The following SLC36A1 variants were observed in gnomAD, a reference collection of about 807,000 sequenced individuals.
SLC36A1 encodes the protein solute carrier family 36 member 1, also known as proton-coupled amino acid transporter 1.
In SLC36A1, 30 loss-of-function variants were observed where a neutral mutation model predicts 47.5. That is an observed-to-expected ratio of 0.63 (90% CI 0.47 to 0.86). SLC36A1 has a LOEUF of 0.86. SLC36A1 is among the 40% of genes least tolerant of loss of function. The probability of loss-of-function intolerance (pLI) is 0.00; values close to 1 mark genes in which losing one functional copy is unlikely to be tolerated. For synonymous variants in SLC36A1, 255 were observed against 249.7 expected (o/e 1.02, Z -0.20); for missense variants, 517 against 606.0 (o/e 0.85, Z 1.54).
At chr5:151,344,735 G>A in the SLC36A1 span, among the ~76,000 whole-genome samples, 209 of 152,106 alleles carry the variant, frequency 1.4e-3, no homozygotes, top group Admixed American at 2.7e-3. Flanking sequence ...CTCAGACAGC[G>A]TAAGTAAAGA....
At chr5:151,543,918 A>T in the SLC36A1 span, 1 of 1,614,178 alleles carries the variant, frequency 6.2e-7, no homozygotes, top group Non-Finnish European at 8.5e-7. Context: ...CAGGGTCAAT[A>T]GCCTGGACTT....
rs1026001532 is a variant in SLC36A1, at chr5:151,461,721, T to C, written c.144-1832T>C. Among the ~76,000 whole-genome samples, 8 of 152,260 alleles carry C rather than the reference T, an allele frequency of 5.3e-5. No homozygotes were observed. The East Asian group carries it at 1.3e-3, about 26-fold the overall frequency. On this transcript the variant is annotated intron_variant, in intron 2 of 10. Coordinates refer to ENST00000243389, the MANE Select transcript of SLC36A1 (RefSeq NM_078483.4). ...GGCACCAAATTATACTAGTTGTCGTTGTATTTTTCACTGCCACACATGCGC... is the reference window on the plus strand; with the variant it reads ...GGCACCAAATTATACTAGTTGTCGTCGTATTTTTCACTGCCACACATGCGC...
chr5:151,419,374 T>A, the SLC36A1 span, among the ~76,000 whole-genome samples: 1 of 152,246 alleles, frequency 6.6e-6, no homozygotes, highest in Non-Finnish European at 1.5e-5. Flanking sequence ...CTAGCAGCTC[T>A]GGCTGTGTCC....
the SLC36A1 span, among the ~76,000 whole-genome samples, chr5:151,364,464 T>C: frequency 2.6e-5 from 4 of 152,252 alleles, no homozygotes; most frequent in South Asian, 2.1e-4. Flanking sequence ...TTCCAGTTTC[T>C]CTACATCCTC....
chr5:151,414,454 G>C, the SLC36A1 span, among the ~76,000 whole-genome samples: 1 of 152,342 alleles, frequency 6.6e-6, no homozygotes, highest in African/African-American at 2.4e-5. Context: ...TTGTGAGCCA[G>C]ATTAAGGTAT....
At chr5:151,402,560 T>C in the SLC36A1 span, among the ~76,000 whole-genome samples, 1 of 152,142 alleles carries the variant, frequency 6.6e-6, no homozygotes, top group Non-Finnish European at 1.5e-5. Flanking sequence ...TTCAGTAGGA[T>C]TGGTACCAGC....
chr5:151,350,684 A>G, the SLC36A1 span, among the ~76,000 whole-genome samples: 4 of 152,124 alleles, frequency 2.6e-5, no homozygotes, highest in African/African-American at 9.7e-5. Context: ...ACATAATATC[A>G]GGATAAAGGA....
the SLC36A1 span, among the ~76,000 whole-genome samples, chr5:151,418,187 G>A: frequency 6.6e-6 from 1 of 152,356 alleles, no homozygotes; most frequent in African/African-American, 2.4e-5. Flanking sequence ...CAGAGGAGGG[G>A]CCCTCATGGA....
At chr5:151,441,258 C>A (rs916896166) in intron 1 of SLC36A1, among the ~76,000 whole-genome samples, 7 of 152,042 alleles carry the variant, frequency 4.6e-5, no homozygotes, top group African/African-American at 1.7e-4. Context: ...TATGATCACT[C>A]CAATATGGGC....
At chr5:151,529,638 T>C in the SLC36A1 span, among the ~76,000 whole-genome samples, 1 of 152,210 alleles carries the variant, frequency 6.6e-6, no homozygotes, top group African/African-American at 2.4e-5. Flanking sequence ...TAATATTTGA[T>C]TTAAATCTCA....
chr5:151,505,576 C>T, the SLC36A1 span: 1 of 1,614,128 alleles, frequency 6.2e-7, no homozygotes, highest in South Asian at 1.1e-5. Flanking sequence ...TAGAACATGA[C>T]CTCCTCACAG....
the SLC36A1 span, among the ~76,000 whole-genome samples, chr5:151,515,090 T>C: frequency 2.7e-4 from 41 of 152,222 alleles, no homozygotes; most frequent in African/African-American, 7.2e-4. Flanking sequence ...ACGGAAACCA[T>C]TGGTGTCAGG....
the SLC36A1 span, among the ~76,000 whole-genome samples, chr5:151,500,375 G>GTTGTTT: frequency 6.6e-6 from 1 of 152,014 alleles, no homozygotes; most frequent in Non-Finnish European, 1.5e-5. Context: ...TGTTGTTGTT[G>GTTGTTT]TTGTTGTTTT....
chr5:151,395,581 C>T, the SLC36A1 span, among the ~76,000 whole-genome samples: 1 of 152,174 alleles, frequency 6.6e-6, no homozygotes, highest in Non-Finnish European at 1.5e-5. Context: ...AACACCAGTC[C>T]TCATCCATGT....
the SLC36A1 span, among the ~76,000 whole-genome samples, chr5:151,365,840 A>T: frequency 6.6e-6 from 1 of 152,102 alleles, no homozygotes; most frequent in South Asian, 2.1e-4. Flanking sequence ...AACGTATGGG[A>T]TGCATTTTGT....
chr5:151,391,410 T>C, the SLC36A1 span, among the ~76,000 whole-genome samples: 6 of 152,278 alleles, frequency 3.9e-5, no homozygotes, highest in Middle Eastern at 3.4e-3. Flanking sequence ...TCCTGCCTGA[T>C]TGCCCTGGCC....
At chr5:151,507,123 C>T in the SLC36A1 span, 1 of 1,521,290 alleles carries the variant, frequency 6.6e-7, no homozygotes, top group Non-Finnish European at 8.8e-7. Context: ...TCCATCAATC[C>T]CAGAGGCTAA....
Position 151,458,931 on chromosome 5 carries a change from A to G in SLC36A1, c.139A>G (p.Thr47Ala). Residue 47 changes from threonine to alanine, a missense_variant, in exon 2 of 11, where the codon ACA becomes GCA. Coordinates refer to ENST00000243389, the MANE Select transcript of SLC36A1 (RefSeq NM_078483.4). The stretch of plus-strand genomic sequence containing the variant: ...CCAGCGCTTTGGTCAAAGCAATAGC[A>G]CAACGTGAGTAGCTGTTACCTTCTC... ...SYQRFGQSNS[T>A]TWFQTLIHLL... 1.2e-6 allele frequency: 2 copies of G among 1,609,804 alleles called. No homozygotes were observed. Among genetic ancestry groups the G allele is most frequent in the Admixed American group, 3.3e-5 (2 of 59,872 alleles).
At chr5:151,351,724 G>C in the SLC36A1 span, among the ~76,000 whole-genome samples, 1 of 152,224 alleles carries the variant, frequency 6.6e-6, no homozygotes, top group East Asian at 1.9e-4. Flanking sequence ...ACAGTATTCA[G>C]AGCAATCCTT....
Sources: allele counts gnomAD v4.1 joint callset (sites outside exome capture counted in the v4.1 genomes callset), GRCh38; gene constraint gnomAD v4.1.1; transcripts MANE v1.5; gene names NCBI Gene and HGNC (gene_info 2026-07-23, HGNC 2026-07-21).